The following EYS variants were observed in gnomAD, a reference collection of about 807,000 sequenced individuals.
EYS encodes the protein EGF-like photoreceptor maintenance factor.
EYS carries 250 observed loss-of-function variants against 282.1 expected under a neutral mutation model. The observed-to-expected ratio is 0.89, with a 90% confidence interval of 0.80 to 0.98. EYS has a LOEUF of 0.98. EYS is among the 50% of genes least tolerant of loss of function. EYS has a pLI of 0.00. For synonymous variants in EYS, 1,355 were observed against 1,282.9 expected (o/e 1.06, Z -1.20); for missense variants, 4,016 against 3,709.0 (o/e 1.08, Z -2.15).
intron 5 of EYS, among the ~76,000 whole-genome samples, chr6:65,437,843 GT>G (rs1474323467): frequency 2.7e-5 from 4 of 146,956 alleles, no homozygotes; most frequent in African/African-American, 9.7e-5. Flanking sequence ...CATATTTTGG[GT>G]TTTATTTCAG....
At chr6:64,933,445 C>T (rs1374530896) in intron 15 of EYS, among the ~76,000 whole-genome samples, 15 of 152,050 alleles carry the variant, frequency 9.9e-5, no homozygotes, top group Admixed American at 5.2e-4. Flanking sequence ...TACCATTTCA[C>T]GCCAGTTAGA....
intron 26 of EYS, among the ~76,000 whole-genome samples, chr6:64,578,098 C>A (rs1582914568): frequency 6.6e-6 from 1 of 152,018 alleles, no homozygotes; most frequent in East Asian, 1.9e-4. Context: ...TAACTATTCT[C>A]CCTTTGTGTA....
At chr6:64,042,671 C>T (rs1770443088) in intron 33 of EYS, among the ~76,000 whole-genome samples, 1 of 152,146 alleles carries the variant, frequency 6.6e-6, no homozygotes, top group South Asian at 2.1e-4. Flanking sequence ...GACCTGAGTT[C>T]AATGTAGTGG....
chr6:65,119,885 T>C (rs6904617), intron 12 of EYS, among the ~76,000 whole-genome samples: 80,875 of 150,218 alleles, frequency 0.54, 22,390 homozygotes, highest in African/African-American at 0.64. Flanking sequence ...AGCCTGTAAT[T>C]CTAGCACTTT....
chr6:64,206,861 GTTTGTTACATACATATA>G (rs1369760221), intron 31 of EYS, among the ~76,000 whole-genome samples: 1 of 152,076 alleles, frequency 6.6e-6, no homozygotes, highest in Non-Finnish European at 1.5e-5. Flanking sequence ...ATATGTATAG[GTTTGTTACATACATATA>G]TTTGCGTCAT....
At chr6:64,426,312 A>T (rs1186255836) in intron 28 of EYS, among the ~76,000 whole-genome samples, 3 of 152,186 alleles carry the variant, frequency 2.0e-5, no homozygotes, top group Non-Finnish European at 4.4e-5. Flanking sequence ...TTAAATATTT[A>T]TCAGTTTGAA....
intron 2 of EYS, among the ~76,000 whole-genome samples, chr6:65,621,494 T>C (rs1438958820): frequency 4.3e-4 from 63 of 148,142 alleles, no homozygotes; most frequent in Non-Finnish European, 4.7e-4. Context: ...TGATGGGTCT[T>C]GACTCTTTAT....
intron 14 of EYS, among the ~76,000 whole-genome samples, chr6:64,986,767 T>TTAACATTTAAAAAC (rs377129364): frequency 6.6e-6 from 1 of 150,674 alleles, no homozygotes; most frequent in Non-Finnish European, 1.5e-5. Flanking sequence ...AAAATTGATG[T>TTAACATTTAAAAAC]ATTTTAGAAA....
At chr6:65,131,533 T>G (rs917078013) in intron 12 of EYS, among the ~76,000 whole-genome samples, 1 of 152,112 alleles carries the variant, frequency 6.6e-6, no homozygotes, top group African/African-American at 2.4e-5. Flanking sequence ...TTGAAACTAA[T>G]GAGAACAAAG....
chr6:65,037,326 G>A (rs1327933569), intron 13 of EYS, among the ~76,000 whole-genome samples: 1 of 151,624 alleles, frequency 6.6e-6, no homozygotes, highest in Non-Finnish European at 1.5e-5. Flanking sequence ...AGGGTGGGAG[G>A]AGGGCAAGGA....
At chr6:63,797,391 G>A (rs888583196) in intron 37 of EYS, 2 of 152,138 alleles carry the variant, frequency 1.3e-5, no homozygotes, top group Non-Finnish European at 2.9e-5. Flanking sequence ...CCTTACTGCC[G>A]GAACAAGATG....
At chr6:65,257,750 G>C (rs901340106) in intron 12 of EYS, among the ~76,000 whole-genome samples, 1 of 151,908 alleles carries the variant, frequency 6.6e-6, no homozygotes, top group Non-Finnish European at 1.5e-5. Flanking sequence ...ACTTGGCGAA[G>C]ACAAACTTCA....
intron 35 of EYS, among the ~76,000 whole-genome samples, chr6:63,958,451 T>G (rs888344618): frequency 2.1e-5 from 2 of 96,034 alleles, no homozygotes; most frequent in African/African-American, 5.4e-5. Flanking sequence ...ACAATGTTCA[T>G]GTTGAAACTT....
chr6:64,371,703 G>T (rs1772380253), intron 29 of EYS, among the ~76,000 whole-genome samples: 1 of 151,910 alleles, frequency 6.6e-6, no homozygotes, highest in Non-Finnish European at 1.5e-5. Context: ...TCCTGTGTTG[G>T]GTACATATTT....
At chr6:63,906,284 AG>A (rs1399130586) in intron 35 of EYS, among the ~76,000 whole-genome samples, 32 of 152,204 alleles carry the variant, frequency 2.1e-4, no homozygotes, top group African/African-American at 7.7e-4. Context: ...TGTACTGCAA[AG>A]GTTGAAAGAC....
At chr6:65,318,752 CT>C (rs893922316) in intron 11 of EYS, among the ~76,000 whole-genome samples, 33 of 150,804 alleles carry the variant, frequency 2.2e-4, no homozygotes, top group Non-Finnish European at 3.7e-4. Context: ...AGCGATTCTC[CT>C]TCCTTAACCA....
intron 36 of EYS, among the ~76,000 whole-genome samples, chr6:63,860,426 G>T (rs1408474639): frequency 6.6e-6 from 1 of 152,212 alleles, no homozygotes; most frequent in Non-Finnish European, 1.5e-5. Context: ...ATCTAGAAGT[G>T]TGGGAATATT....
intron 12 of EYS, among the ~76,000 whole-genome samples, chr6:65,171,578 T>C (rs1222506716): frequency 6.6e-6 from 1 of 151,092 alleles, no homozygotes; most frequent in Admixed American, 6.6e-5. Context: ...ATTTCTTTAG[T>C]TGTGCGAGGT....
At chr6:64,862,332 A>T (rs905317108) in intron 19 of EYS, among the ~76,000 whole-genome samples, 2 of 152,076 alleles carry the variant, frequency 1.3e-5, no homozygotes, top group African/African-American at 4.8e-5. Context: ...TTGTCTTGTC[A>T]CCTCAATTAT....
Sources: gnomAD v4.1 joint callset for allele counts (sites outside exome capture counted in the v4.1 genomes callset) on GRCh38, gnomAD v4.1.1 for gene constraint, MANE v1.5 for transcripts, NCBI Gene and HGNC (gene_info 2026-07-23, HGNC 2026-07-21) for gene names.